Variants in ZFYVE26 observed in about 807,000 individuals in gnomAD.
ZFYVE26 encodes zinc finger FYVE domain-containing protein 26.
ZFYVE26 carries 181 observed loss-of-function variants against 276.5 expected under a neutral mutation model. The ratio of observed to expected loss-of-function variants is 0.65; its 90% CI spans 0.58 to 0.74. The LOEUF is 0.74. Ranked by LOEUF, ZFYVE26 falls within the 30% of genes least tolerant of loss-of-function variation. The pLI, the probability that ZFYVE26 is intolerant of heterozygous loss-of-function variation, is 0.00. For synonymous variants in ZFYVE26, 1,129 were observed against 1,203.1 expected (o/e 0.94, Z 1.27); for missense variants, 2,821 against 3,097.9 (o/e 0.91, Z 2.12).
chr14:67,735,386 T>C, intron 13 of ZFYVE26: 1 of 689,156 alleles, frequency 1.5e-6, no homozygotes, highest in Non-Finnish European at 2.7e-6. Context: ...TGGCCTCTTG[T>C]CATGTTTCCA....
At chr14:67,803,756 C>A (rs986247991) in intron 9 of ZFYVE26, among the ~76,000 whole-genome samples, 3 of 152,166 alleles carry the variant, frequency 2.0e-5, no homozygotes, top group African/African-American at 7.2e-5. Flanking sequence ...AAGCCACTCA[C>A]TAAGAATTTG....
chr14:67,792,683 G>A lies in ZFYVE26; in HGVS notation c.2553+925C>T, dbSNP rs566133181. ...TCCCAGCATTTTGGGATGCCGAGGC[G>A]GGTGGATCTCCTGAGGTCAGGAGTT... is the stretch of plus-strand genomic sequence containing the variant. On this transcript the variant is annotated intron_variant, in intron 14 of 41. Transcript: ENST00000347230. Among the ~76,000 whole-genome samples the A allele has an allele frequency of 2.0e-4, 30 of 150,406 alleles. 1 individual carries two copies. The highest frequency in any genetic ancestry group is 6.3e-4 in the South Asian group (3 of 4,734).
intron 20 of ZFYVE26, 22 bp from the exon 21 acceptor site, chr14:67,783,547 G>A (rs1490114529): frequency 6.2e-7 from 1 of 1,609,448 alleles, no homozygotes; most frequent in Admixed American, 1.7e-5. Context: ...GAAGCAGAAA[G>A]CATACAAGGC....
chr14:67,752,586 G>C, intron 39 of ZFYVE26, 60 bp from the exon 40 acceptor site: 1 of 1,578,282 alleles, frequency 6.3e-7, no homozygotes, highest in Non-Finnish European at 8.7e-7. Flanking sequence ...TGGGGAGGGA[G>C]GCAGCATTTA....
At position 67,783,163 on chromosome 14, in the gene ZFYVE26, C is replaced by T. The variant is rs941789164; in HGVS notation, c.3989G>A (p.Ser1330Asn). The T allele has an allele frequency of 3.1e-6, 5 of 1,608,056 alleles. No homozygotes were observed. The highest frequency in any genetic ancestry group is 3.4e-6 in the Non-Finnish European group (4 of 1,176,030). Reference sequence around the variant, plus strand: ...TTCCTTCCATGACAAGCTGGGTTTGCTGACCTTTAACCTCGGGGAAGCCCC... The same window carrying T: ...TTCCTTCCATGACAAGCTGGGTTTGTTGACCTTTAACCTCGGGGAAGCCCC... ...CLGASPRLKV[S>N]KPSLSWKELR... Residue 1330 changes from serine to asparagine, a missense_variant, in exon 21 of 42, where the codon AGC becomes AAC. Ser to Asn is a conservative substitution (Grantham distance 46, BLOSUM62 1). Transcript: ENST00000347230.
chr14:67,753,760 G>A lies in ZFYVE26; in HGVS notation c.7135C>T (p.Leu2379=). The A allele has an allele frequency of 6.2e-7, 1 of 1,613,054 alleles. No individual in the cohort carries two copies. Among genetic ancestry groups the A allele is most frequent in the Non-Finnish European group, 8.5e-7 (1 of 1,179,622 alleles). The change falls in exon 39 of 42, where the codon CTG becomes TTG. Residue 2379 remains leucine, a synonymous_variant. Transcript: ENST00000347230. The part of the protein sequence containing the change: ...MKMDVACKVM[L]GGKNVEDGFG... ...CCATCTTCTACATTTTTCCCTCCCA[G>A]CATGACCTGAAAAGGAAAGGGAATC...
chr14:67,731,207 CTTTTTTTTTTTT>C (rs71129853), intron 13 of ZFYVE26, among the ~76,000 whole-genome samples: 1 of 90,622 alleles, frequency 1.1e-5, no homozygotes, highest in Non-Finnish European at 2.0e-5. Context: ...TTCTTTCTTT[CTTTTTTTTTTTT>C]TTTTTTTTTT....
At chr14:67,770,072 A>G in intron 28 of ZFYVE26, 3 of 345,106 alleles carry the variant, frequency 8.7e-6, no homozygotes, top group South Asian at 8.6e-5. Flanking sequence ...CATGGTATTG[A>G]TGACAATGAT....
In ZFYVE26 at chr14:67,729,217, C is replaced by T. The variant is rs1252565353; in HGVS notation, n.3282G>A. 6.2e-7 allele frequency: 1 copy of T among 1,612,302 alleles called. No homozygotes were observed. Among genetic ancestry groups the T allele is most frequent in the Non-Finnish European group, 8.5e-7 (1 of 1,179,998 alleles). On this transcript the variant is annotated non_coding_transcript_exon_variant, in exon 14 of 15. Transcript: ENST00000394455. ...CACCGGGGTCACCACCTACGCAGTG[C>T]ACCCAGGCGTCGTCCGCTCTGAGCT...
intron 10 of ZFYVE26, chr14:67,799,347 C>T: frequency 6.2e-7 from 1 of 1,610,020 alleles, no homozygotes; most frequent in South Asian, 1.1e-5. Flanking sequence ...GCGGTGCAAT[C>T]CTATAAGGCC....
intron 23 of ZFYVE26, 21 bp downstream of exon 23, chr14:67,780,220 C>A: frequency 5.6e-6 from 9 of 1,607,472 alleles, no homozygotes; most frequent in Non-Finnish European, 6.8e-6. Flanking sequence ...TGAAGGGGAA[C>A]ACCACCCAGG....
Position 67,798,368 on chromosome 14 carries a change from G to T in ZFYVE26, c.1894C>A (p.Arg632=). 1 of 1,609,996 alleles carries T rather than the reference G, an allele frequency of 6.2e-7. No individual in the cohort carries two copies. Among genetic ancestry groups the T allele is most frequent in the South Asian group, 1.1e-5 (1 of 90,790 alleles). ...HIAHPERKSE[R]GSLGVPKTLA... is the part of the protein sequence containing the mutation. Reference sequence around the variant, plus strand: ...GTCTTTGGGACTCCCAGGGAACCCCGTTCTGACTTCCTTTCAGGATGTGCT... The same window carrying T: ...GTCTTTGGGACTCCCAGGGAACCCCTTTCTGACTTCCTTTCAGGATGTGCT... Residue 632 remains arginine (R), a synonymous_variant, in exon 11 of 42, where the codon CGG becomes AGG. Transcript: ENST00000347230.
At position 67,775,926 on chromosome 14, in the gene ZFYVE26, A is replaced by G; in HGVS notation, c.5155T>C (p.Ser1719Pro). The change falls in exon 26 of 42, where the codon TCA becomes CCA. Residue 1719 changes from serine (S) to proline (P), a missense_variant. By Grantham distance (74) the Ser-to-Pro change is moderately conservative. Transcript: ENST00000347230. ...TTCTCTGCGTATCTGGAAAGCAGTG[A>G]GTCCACCTCGTCCATAGTGAAGCCA... ...EIGFTMDEVDSLLSRYAEKAL... is the reference protein window; with the variant it reads ...EIGFTMDEVDPLLSRYAEKAL... The G allele has an allele frequency of 6.2e-7, 1 of 1,614,238 alleles. No individual in the cohort carries two copies.
chr14:67,799,387 T>A (rs1240805325), intron 10 of ZFYVE26: 1 of 1,611,878 alleles, frequency 6.2e-7, no homozygotes, highest in African/African-American at 1.3e-5. Flanking sequence ...AAAAGATGAA[T>A]GCAAGGAAAA....
chr14:67,799,102 C>T, intron 10 of ZFYVE26: 7 of 1,288,838 alleles, frequency 5.4e-6, no homozygotes, highest in Non-Finnish European at 6.8e-6. Flanking sequence ...CAGTGCTCAC[C>T]CAAGACCTAG....
At chr14:67,768,934 T>C (rs374290039) in intron 29 of ZFYVE26, among the ~76,000 whole-genome samples, 12 of 152,202 alleles carry the variant, frequency 7.9e-5, no homozygotes, top group African/African-American at 2.9e-4. Flanking sequence ...AAATAAAACA[T>C]GCAGAATTCA....
At chr14:67,753,230 C>T (rs1413134553) in intron 39 of ZFYVE26, among the ~76,000 whole-genome samples, 1 of 152,204 alleles carries the variant, frequency 6.6e-6, no homozygotes, top group Non-Finnish European at 1.5e-5. Flanking sequence ...AGAGACTCTG[C>T]CCCTCATGGT....
chr14:67,777,858 CTT>C (rs74984747), intron 24 of ZFYVE26, 123 bp from the exon 25 acceptor site: 715 of 1,080,216 alleles, frequency 6.6e-4, no homozygotes, highest in South Asian at 9.1e-4. Flanking sequence ...CTCTATACTC[CTT>C]TTTTTTTTTA....
rs1047053689 is a variant in ZFYVE26, at chr14:67,787,594, C to T, written c.3020-1361G>A. ...TCATATACTCCATAAATACATACAC[C>T]GACTATGCACCCACACACACACACA... On this transcript the variant is annotated intron_variant, in intron 16 of 41. Transcript: ENST00000347230. Among the ~76,000 whole-genome samples, 4 of 151,748 alleles carry T rather than the reference C, an allele frequency of 2.6e-5. No homozygotes were observed. The East Asian group carries it at 5.8e-4, about 22-fold the overall frequency.
Sources: gnomAD v4.1 joint callset for allele counts (sites outside exome capture counted in the v4.1 genomes callset) on GRCh38, gnomAD v4.1.1 for gene constraint, MANE v1.5 for transcripts, NCBI Gene and HGNC (gene_info 2026-07-23, HGNC 2026-07-21) for gene names.